Variants in ARHGAP26 observed in about 807,000 individuals in gnomAD.
ARHGAP26 encodes the protein rho GTPase-activating protein 26.
ARHGAP26 carries 38 observed loss-of-function variants against 104.8 expected under a neutral mutation model. The observed-to-expected ratio is 0.36, with a 90% CI of 0.28 to 0.48. The LOEUF is 0.48. Ranked by LOEUF, ARHGAP26 falls within the 20% of genes least tolerant of loss-of-function variation. The pLI, the probability that ARHGAP26 is intolerant of heterozygous loss-of-function variation, is 0.99. For missense variants in ARHGAP26, 704 were observed against 947.9 expected (o/e 0.74, Z 3.38); for synonymous variants, 341 against 340.0 (o/e 1.00, Z -0.03).
chr5:143,070,527 C>T (rs915238519), intron 17 of ARHGAP26, among the ~76,000 whole-genome samples: 2 of 152,168 alleles, frequency 1.3e-5, no homozygotes, highest in African/African-American at 4.8e-5. Context: ...TGGAAAGACA[C>T]CCCATGCTCA....
At chr5:142,840,707 T>A (rs1483678253) in intron 1 of ARHGAP26, among the ~76,000 whole-genome samples, 1 of 152,188 alleles carries the variant, frequency 6.6e-6, no homozygotes, top group Admixed American at 6.6e-5. Context: ...CTTAGCCTCT[T>A]CTCTGAGGTC....
intron 13 of ARHGAP26, among the ~76,000 whole-genome samples, chr5:143,039,079 T>C (rs1783075282): frequency 6.6e-6 from 1 of 152,206 alleles, no homozygotes; most frequent in South Asian, 2.1e-4. Context: ...AGTGGTCATA[T>C]TGCACAGGTT....
intron 17 of ARHGAP26, among the ~76,000 whole-genome samples, chr5:143,110,890 A>C (rs530586781): frequency 6.6e-6 from 1 of 152,320 alleles, no homozygotes; most frequent in African/African-American, 2.4e-5. Context: ...CCAGGATGAG[A>C]TAGGTGAAAG....
intron 22 of ARHGAP26, among the ~76,000 whole-genome samples, chr5:143,219,679 A>G (rs1283017954): frequency 1.3e-5 from 2 of 152,188 alleles, no homozygotes; most frequent in Non-Finnish European, 2.9e-5. Context: ...TTAGTAAATG[A>G]CAATTTGCAT....
intron 12 of ARHGAP26, among the ~76,000 whole-genome samples, chr5:143,035,935 CAAAAAAA>C (rs10713064): frequency 1.3e-5 from 1 of 78,092 alleles, no homozygotes; most frequent in Non-Finnish European, 2.6e-5. Flanking sequence ...GACCTTGTCT[CAAAAAAA>C]AAAAAAAAAA....
chr5:143,140,785 T>G (rs933901998), intron 19 of ARHGAP26, among the ~76,000 whole-genome samples: 2 of 152,186 alleles, frequency 1.3e-5, no homozygotes, highest in African/African-American at 4.8e-5. Flanking sequence ...GGCCTTGTTT[T>G]ACATGGATCA....
chr5:142,993,023 C>T (rs1270752784), intron 11 of ARHGAP26, among the ~76,000 whole-genome samples: 1 of 152,098 alleles, frequency 6.6e-6, no homozygotes. Flanking sequence ...ACTCTTTCGC[C>T]CAGGCTGGAG....
intron 20 of ARHGAP26, among the ~76,000 whole-genome samples, chr5:143,182,150 G>A (rs1804475629): frequency 6.6e-6 from 1 of 152,102 alleles, no homozygotes; most frequent in Non-Finnish European, 1.5e-5. Context: ...ACATCACTCT[G>A]TGTTATTTCC....
chr5:143,118,145 C>T (rs1795714475), intron 17 of ARHGAP26, among the ~76,000 whole-genome samples: 1 of 152,054 alleles, frequency 6.6e-6, no homozygotes, highest in African/African-American at 2.4e-5. Context: ...AACAGTTTGC[C>T]AAGCAAAGAA....
intron 1 of ARHGAP26, among the ~76,000 whole-genome samples, chr5:142,823,103 A>G (rs945513342): frequency 1.3e-5 from 2 of 152,198 alleles, no homozygotes; most frequent in African/African-American, 2.4e-5. Context: ...TTCCCATTTT[A>G]CAGCTGAGTT....
chr5:143,125,262 G>A (rs1461611723), intron 18 of ARHGAP26, among the ~76,000 whole-genome samples: 1 of 152,040 alleles, frequency 6.6e-6, no homozygotes, highest in Non-Finnish European at 1.5e-5. Flanking sequence ...TTTTCCAAGG[G>A]TTAACATTAG....
intron 17 of ARHGAP26, among the ~76,000 whole-genome samples, chr5:143,064,331 C>T (rs1348948524): frequency 2.6e-5 from 4 of 151,200 alleles, no homozygotes; most frequent in Non-Finnish European, 4.4e-5. Context: ...AAGAGGAGCT[C>T]GATGTTTGGT....
rs140014255 is a variant in ARHGAP26, at chr5:142,781,678, A to G, written c.154+10763A>G. ...AGTGGGATCACAATTTGAATATTCAAATAAACACTGATAAGTTATAGAGTG... is the reference window on the plus strand; with the variant it reads ...AGTGGGATCACAATTTGAATATTCAGATAAACACTGATAAGTTATAGAGTG... On this transcript the variant is annotated intron_variant, in intron 1 of 22. Transcript: ENST00000645722. Among the ~76,000 whole-genome samples, 1,026 of 152,292 alleles carry G rather than the reference A, an allele frequency of 6.7e-3. 10 individuals carry two copies. The highest frequency in any genetic ancestry group is 0.022 in the African/African-American group (916 of 41,560).
At chr5:143,145,104 C>A (rs1487959673) in intron 19 of ARHGAP26, among the ~76,000 whole-genome samples, 1 of 152,114 alleles carries the variant, frequency 6.6e-6, no homozygotes, top group Non-Finnish European at 1.5e-5. Flanking sequence ...ATTTTTATAC[C>A]CTCCTTTACT....
intron 10 of ARHGAP26, among the ~76,000 whole-genome samples, chr5:142,913,845 G>A (rs374512795): frequency 1.3e-5 from 2 of 152,168 alleles, no homozygotes; most frequent in Non-Finnish European, 2.9e-5. Context: ...GCCGTGTGTT[G>A]TATTCCTCGA....
chr5:143,078,129 A>C (rs1253625774), intron 17 of ARHGAP26, among the ~76,000 whole-genome samples: 1 of 152,236 alleles, frequency 6.6e-6, no homozygotes, highest in Non-Finnish European at 1.5e-5. Flanking sequence ...ACCTTAACAA[A>C]GTTTAGGTTC....
intron 17 of ARHGAP26, among the ~76,000 whole-genome samples, chr5:143,110,121 T>C (rs1358451983): frequency 6.6e-6 from 1 of 152,214 alleles, no homozygotes; most frequent in Non-Finnish European, 1.5e-5. Context: ...GCCTTCTCCA[T>C]GAGATGTCCT....
chr5:143,041,761 C>T (rs1159807900), intron 13 of ARHGAP26, 55 bp from the exon 14 acceptor site: 6 of 1,349,850 alleles, frequency 4.4e-6, no homozygotes, highest in Non-Finnish European at 5.2e-6. Context: ...GCTGGATTGG[C>T]CTGACTTGTG....
At chr5:142,980,927 A>G (rs753673646) in intron 11 of ARHGAP26, among the ~76,000 whole-genome samples, 7 of 152,148 alleles carry the variant, frequency 4.6e-5, no homozygotes, top group Non-Finnish European at 8.8e-5. Flanking sequence ...TAACCATTCT[A>G]GGGCATGTGT....
Sources: gnomAD v4.1 joint callset for allele counts (sites outside exome capture counted in the v4.1 genomes callset) on GRCh38, gnomAD v4.1.1 for gene constraint, MANE v1.5 for transcripts, NCBI Gene and HGNC (gene_info 2026-07-23, HGNC 2026-07-21) for gene names.